The following CNOT6 variants were observed in gnomAD, a reference collection of about 807,000 sequenced individuals.
The protein encoded by CNOT6 is CCR4-NOT transcription complex subunit 6, also known as carbon catabolite repression 4 protein.
A neutral mutation model predicts 61.2 loss-of-function variants in CNOT6; 12 were observed. That is an observed-to-expected ratio of 0.20 (90% CI 0.13 to 0.32). The LOEUF (loss-of-function observed/expected upper bound fraction) is 0.32, where lower values mean the gene tolerates loss of function less well. CNOT6 is among the 10% of genes least tolerant of loss of function. CNOT6 has a pLI of 1.00. For missense variants in CNOT6, 405 were observed against 663.9 expected, an observed-to-expected ratio of 0.61 and a Z score of 4.28; for synonymous variants, 225 against 240.6, an observed-to-expected ratio of 0.94 and a Z score of 0.60.
chr5:180,543,739 A>T (rs1181618307), intron 2 of CNOT6, among the ~76,000 whole-genome samples: 2 of 152,060 alleles, frequency 1.3e-5, no homozygotes, highest in African/African-American at 4.8e-5. Flanking sequence ...TCTTGTCAAT[A>T]TTGGATATTA....
At position 180,552,025 on chromosome 5, in the gene CNOT6, T is replaced by C. The variant is rs1289457130; in HGVS notation, c.300-1361T>C. Among the ~76,000 whole-genome samples, 8 of 151,882 alleles carry C rather than the reference T, an allele frequency of 5.3e-5. No individual in the cohort carries two copies. The South Asian group carries it at 1.0e-3, about 20-fold the overall frequency. On this transcript the variant is annotated intron_variant, in intron 3 of 11. Coordinates refer to ENST00000261951, the MANE Select transcript of CNOT6 (RefSeq NM_001370472.1). Reference sequence around the variant, plus strand: ...CTGGGATTACAAGCGTGTGCCACCATGCCCAGCTAATTTTTGTATTTGTAG... The same window carrying C: ...CTGGGATTACAAGCGTGTGCCACCACGCCCAGCTAATTTTTGTATTTGTAG...
chr5:180,540,419 C>T (rs965946212), intron 2 of CNOT6, among the ~76,000 whole-genome samples: 4 of 152,176 alleles, frequency 2.6e-5, no homozygotes, highest in African/African-American at 9.7e-5. Context: ...CAGTCTCTGG[C>T]TCACGATGGT....
At position 180,568,010 on chromosome 5, in the gene CNOT6, G is replaced by T; in HGVS notation, c.1027+7G>T. 1 of 1,597,862 alleles carries T rather than the reference G, an allele frequency of 6.3e-7. No homozygotes were observed. Among genetic ancestry groups the T allele is most frequent in the Non-Finnish European group, 8.5e-7 (1 of 1,169,602 alleles). On this transcript the variant is annotated splice_region_variant and intron_variant, in intron 9 of 11. Transcript: ENST00000261951. ...GAATCGATTGAAATGCCGTGTGAGT[G>T]CCCTTCACTTCCTGTAAAATTGACC...
At chr5:180,557,481 C>T (rs958328585) in intron 4 of CNOT6, among the ~76,000 whole-genome samples, 1 of 152,152 alleles carries the variant, frequency 6.6e-6, no homozygotes, top group East Asian at 1.9e-4. Context: ...AATAAAGATA[C>T]CCAACATCTT....
intron 2 of CNOT6, among the ~76,000 whole-genome samples, chr5:180,531,314 G>A (rs560274264): frequency 2.0e-5 from 3 of 151,188 alleles, no homozygotes; most frequent in African/African-American, 4.9e-5. Context: ...ACGGGGTAGC[G>A]GTCGGGCAGA....
rs1322021363 is a variant in CNOT6, at chr5:180,513,949, T to G, written c.-2-15326T>G. Among the ~76,000 whole-genome samples the G allele has an allele frequency of 2.7e-5, 4 of 148,214 alleles. No individual in the cohort carries two copies. The South Asian group carries it at 6.6e-4, about 24-fold the overall frequency. ...GATCTCCTGACCTCATGATCTGCCC[T>G]CCTCGGCCTCCCAAAGTGCTGGGAT... is the stretch of plus-strand genomic sequence containing the variant. On this transcript the variant is annotated intron_variant, in intron 1 of 11. Transcript: ENST00000261951.
intron 2 of CNOT6, among the ~76,000 whole-genome samples, chr5:180,536,972 G>A (rs546685024): frequency 1.1e-4 from 16 of 152,246 alleles, no homozygotes; most frequent in African/African-American, 3.6e-4. Flanking sequence ...GTCTTGTCAT[G>A]GCTTGATAGC....
intron 2 of CNOT6, chr5:180,534,589 C>G (rs11249719): frequency 7.0e-6 from 1 of 143,728 alleles, no homozygotes; most frequent in Non-Finnish European, 1.6e-5. Context: ...CTTTTGGGTG[C>G]GCAAGAAGTT....
chr5:180,566,064 G>T, intron 7 of CNOT6, 87 bp downstream of exon 7: 2 of 1,237,556 alleles, frequency 1.6e-6, no homozygotes, highest in Non-Finnish European at 1.1e-6. Flanking sequence ...TGAAGTTTTA[G>T]CTTCAGTAGT....
At chr5:180,563,156 T>C (rs1240890338) in intron 4 of CNOT6, among the ~76,000 whole-genome samples, 1 of 152,210 alleles carries the variant, frequency 6.6e-6, no homozygotes, top group Non-Finnish European at 1.5e-5. Context: ...GCACAGGGTG[T>C]CTCAAATAGT....
At chr5:180,539,325 A>AT (rs1008123738) in intron 2 of CNOT6, among the ~76,000 whole-genome samples, 72 of 146,954 alleles carry the variant, frequency 4.9e-4, no homozygotes, top group East Asian at 1.2e-3. Context: ...TCCTCCTTAA[A>AT]TTTTTTTTTT....
chr5:180,563,784 C>T (rs1760311298), intron 4 of CNOT6, among the ~76,000 whole-genome samples: 2 of 152,200 alleles, frequency 1.3e-5, no homozygotes, highest in Non-Finnish European at 2.9e-5. Context: ...CTGCGCTGCA[C>T]TGTTGTTATT....
chr5:180,530,278 C>T (rs1459402706), intron 2 of CNOT6, among the ~76,000 whole-genome samples: 1 of 152,300 alleles, frequency 6.6e-6, no homozygotes, highest in East Asian at 1.9e-4. Context: ...CGCTGGCCCA[C>T]GTGCGTGGAA....
At chr5:180,539,715 G>A (rs1238768723) in intron 2 of CNOT6, among the ~76,000 whole-genome samples, 2 of 150,344 alleles carry the variant, frequency 1.3e-5, no homozygotes, top group Admixed American at 6.6e-5. Context: ...TCAGCCTCCC[G>A]AGTAGCTGGG....
intron 1 of CNOT6, among the ~76,000 whole-genome samples, chr5:180,500,287 T>A (rs901337838): frequency 1.3e-5 from 2 of 151,930 alleles, no homozygotes; most frequent in African/African-American, 4.8e-5. Flanking sequence ...ATTTTTCTTA[T>A]TTTTAGTAGA....
chr5:180,548,673 G>C (rs569051806), intron 2 of CNOT6, among the ~76,000 whole-genome samples: 7 of 152,266 alleles, frequency 4.6e-5, no homozygotes, highest in African/African-American at 1.4e-4. Flanking sequence ...TCCTGCATTG[G>C]TTGGTGTCTC....
At chr5:180,544,838 A>G (rs1228355001) in intron 2 of CNOT6, among the ~76,000 whole-genome samples, 1 of 152,206 alleles carries the variant, frequency 6.6e-6, no homozygotes, top group Non-Finnish European at 1.5e-5. Context: ...TCACGCCTGT[A>G]GTTCCAGCTA....
intron 2 of CNOT6, among the ~76,000 whole-genome samples, chr5:180,530,682 G>A (rs1383603331): frequency 1.3e-5 from 2 of 152,092 alleles, no homozygotes; most frequent in African/African-American, 2.4e-5. Flanking sequence ...GTGAACAAGG[G>A]TCTCTGGTTT....
chr5:180,552,989 A>G lies in CNOT6; in HGVS notation c.300-397A>G, dbSNP rs538712767. ...TGCTTTATCATTTCCACTTTCTTAAATGTGTAGTAGACCCCATGTGTACTA... is the reference window on the plus strand; with the variant it reads ...TGCTTTATCATTTCCACTTTCTTAAGTGTGTAGTAGACCCCATGTGTACTA... On this transcript the variant is annotated intron_variant, in intron 3 of 11. Coordinates refer to ENST00000261951, the MANE Select transcript of CNOT6 (RefSeq NM_001370472.1). Among the ~76,000 whole-genome samples, 31 of 150,256 alleles carry G rather than the reference A, an allele frequency of 2.1e-4. No homozygotes were observed. In the South Asian group the frequency reaches 6.0e-3, roughly 29 times the overall value.
Sources: gnomAD v4.1 joint callset for allele counts (sites outside exome capture counted in the v4.1 genomes callset) on GRCh38, gnomAD v4.1.1 for gene constraint, MANE v1.5 for transcripts, NCBI Gene and HGNC (gene_info 2026-07-23, HGNC 2026-07-21) for gene names.